The following SLC25A48 variants were observed in gnomAD, a reference collection of about 807,000 sequenced individuals.
SLC25A48 encodes CTC-321K16.1.
In SLC25A48, 29 loss-of-function variants were observed where a neutral mutation model predicts 32.2. The ratio of observed to expected loss-of-function variants is 0.90; its 90% CI spans 0.67 to 1.23. The LOEUF is 1.23. Ranked by LOEUF, SLC25A48 falls within the 50% of genes most tolerant of loss-of-function variation. The pLI is 0.00. For missense variants in SLC25A48, 399 were observed against 422.7 expected (o/e 0.94, Z 0.49); for synonymous variants, 164 against 172.3 (o/e 0.95, Z 0.38).
chr5:135,650,267 A>G (rs191717141), intron 3 of SLC25A48: 15 of 383,272 alleles, frequency 3.9e-5, no homozygotes, highest in African/African-American at 2.8e-4. Flanking sequence ...ACTGTAGACA[A>G]TTGCTACTCA....
intron 3 of SLC25A48, among the ~76,000 whole-genome samples, chr5:135,771,040 C>G (rs867279169): frequency 9.9e-5 from 15 of 151,684 alleles, no homozygotes; most frequent in African/African-American, 3.4e-4. Context: ...ATACCCCCTG[C>G]GATATTGTTC....
intron 1 of SLC25A48, among the ~76,000 whole-genome samples, chr5:135,835,882 C>T (rs1271803341): frequency 6.6e-6 from 1 of 152,104 alleles, no homozygotes; most frequent in African/African-American, 2.4e-5. Flanking sequence ...GCTGCAGGGC[C>T]CTGCTTCACA....
chr5:135,652,083 A>G (rs1346477517), intron 3 of SLC25A48, among the ~76,000 whole-genome samples: 3 of 152,356 alleles, frequency 2.0e-5, no homozygotes, highest in Non-Finnish European at 2.9e-5. Flanking sequence ...CAATGGGACC[A>G]TGAACAAAGA....
At chr5:135,618,047 T>G (rs1752229302) in intron 1 of SLC25A48, among the ~76,000 whole-genome samples, 1 of 152,094 alleles carries the variant, frequency 6.6e-6, no homozygotes, top group Non-Finnish European at 1.5e-5. Context: ...TATTGAAGTC[T>G]GTCTATCCCT....
intron 3 of SLC25A48, among the ~76,000 whole-genome samples, chr5:135,695,331 T>A (rs892526125): frequency 6.6e-6 from 1 of 152,178 alleles, no homozygotes; most frequent in African/African-American, 2.4e-5. Context: ...TTACTGTCAA[T>A]CTCCTCTACA....
chr5:135,749,279 C>A (rs1458619297), intron 3 of SLC25A48, among the ~76,000 whole-genome samples: 5 of 150,222 alleles, frequency 3.3e-5, no homozygotes, highest in African/African-American at 1.2e-4. Context: ...ATCAAGTGTT[C>A]CACACACAAA....
At chr5:135,862,343 G>A (rs1303324190) in intron 4 of SLC25A48, among the ~76,000 whole-genome samples, 1 of 152,262 alleles carries the variant, frequency 6.6e-6, no homozygotes, top group African/African-American at 2.4e-5. Context: ...GGAGGTTGGA[G>A]TTGGGAGGAT....
chr5:135,619,378 T>C (rs1752268118), intron 1 of SLC25A48, among the ~76,000 whole-genome samples: 1 of 152,188 alleles, frequency 6.6e-6, no homozygotes. Flanking sequence ...GATATCTAGC[T>C]TTTTGGTAAA....
At chr5:135,767,183 G>A (rs538153876) in intron 3 of SLC25A48, among the ~76,000 whole-genome samples, 88 of 72,850 alleles carry the variant, frequency 1.2e-3, no homozygotes, top group African/African-American at 3.2e-3. Flanking sequence ...TTCAGGACAG[G>A]TACACCCCCC....
chr5:135,757,649 AGAT>A (rs1561478622), intron 3 of SLC25A48, among the ~76,000 whole-genome samples: 2 of 149,732 alleles, frequency 1.3e-5, no homozygotes, highest in South Asian at 2.2e-4. Context: ...AAAAACATCT[AGAT>A]GATATTTATA....
Position 135,666,594 on chromosome 5 carries a change from T to G in SLC25A48, c.-521+31638T>G, listed in dbSNP as rs145543577. Among the ~76,000 whole-genome samples, 7 of 151,988 alleles carry G rather than the reference T, an allele frequency of 4.6e-5. No homozygotes were observed. In the East Asian group the frequency reaches 1.4e-3, roughly 30 times the overall value. Reference sequence around the variant, plus strand: ...AAACTAGGGCCCTCACTCTGGGACATGAAGGCCCTAGGAAGATTTGGAAAA... The same window carrying G: ...AAACTAGGGCCCTCACTCTGGGACAGGAAGGCCCTAGGAAGATTTGGAAAA... On this transcript the variant is annotated intron_variant, in intron 3 of 10. Coordinates refer to the SLC25A48 transcript ENST00000646290.
intron 1 of SLC25A48, among the ~76,000 whole-genome samples, chr5:135,838,775 A>G (rs1288199480): frequency 1.3e-5 from 2 of 152,230 alleles, no homozygotes; most frequent in Non-Finnish European, 2.9e-5. Flanking sequence ...GAGCTTTGGG[A>G]ACTGCCATCT....
intron 3 of SLC25A48, among the ~76,000 whole-genome samples, chr5:135,795,861 A>G (rs1757156941): frequency 6.9e-6 from 1 of 144,370 alleles, no homozygotes; most frequent in Non-Finnish European, 1.5e-5. Flanking sequence ...CTGGAGTTGT[A>G]CATCCCCGAT....
chr5:135,755,806 C>T (rs77570071), intron 3 of SLC25A48, among the ~76,000 whole-genome samples: 2,400 of 150,950 alleles, frequency 0.016, 45 homozygotes, highest in African/African-American at 0.044. Context: ...AATATCGCTG[C>T]GACATTTATC....
chr5:135,680,510 A>G (rs1011266532), intron 3 of SLC25A48, among the ~76,000 whole-genome samples: 1 of 152,242 alleles, frequency 6.6e-6, no homozygotes, highest in Admixed American at 6.5e-5. Flanking sequence ...GAGACTGGGT[A>G]ATTTATAAAG....
intron 1 of SLC25A48, among the ~76,000 whole-genome samples, chr5:135,626,749 T>A (rs1441401463): frequency 6.6e-6 from 1 of 152,194 alleles, no homozygotes; most frequent in Non-Finnish European, 1.5e-5. Flanking sequence ...GAGAGCTGGC[T>A]TTATGGGCCC....
upstream of SLC25A48, among the ~76,000 whole-genome samples, chr5:135,830,650 C>A (rs1411509604): frequency 6.6e-6 from 1 of 152,236 alleles, no homozygotes; most frequent in Non-Finnish European, 1.5e-5. Flanking sequence ...GCTCGAAAAT[C>A]GTGTGCTCCT....
intron 3 of SLC25A48, among the ~76,000 whole-genome samples, chr5:135,735,624 T>C (rs1048405731): frequency 2.6e-5 from 4 of 152,274 alleles, no homozygotes; most frequent in Non-Finnish European, 4.4e-5. Flanking sequence ...GATAGTTCCA[T>C]TGGGGATCCT....
At chr5:135,609,604 A>G (rs1752019286) in intron 1 of SLC25A48, 1 of 152,184 alleles carries the variant, frequency 6.6e-6, no homozygotes, top group Admixed American at 6.5e-5. Flanking sequence ...ACCATATTCC[A>G]GACAGAAGGA....
Sources: gnomAD v4.1 joint callset for allele counts (sites outside exome capture counted in the v4.1 genomes callset) on GRCh38, gnomAD v4.1.1 for gene constraint, MANE v1.5 for transcripts, NCBI Gene and HGNC (gene_info 2026-07-23, HGNC 2026-07-21) for gene names.